The following PTPRD variants were observed in gnomAD, a reference collection of about 807,000 sequenced individuals.
PTPRD encodes the protein protein tyrosine phosphatase receptor type D, also known as receptor-type tyrosine-protein phosphatase delta.
Under a neutral mutation model 214.5 loss-of-function variants are expected in PTPRD, and 34 were observed. The ratio of observed to expected loss-of-function variants is 0.16; its 90% CI spans 0.12 to 0.21. The LOEUF is 0.21. Among genes scored for constraint, PTPRD ranks in the 10% least tolerant of loss-of-function variants. The probability of loss-of-function intolerance (pLI) is 1.00; values close to 1 mark genes in which losing one functional copy is unlikely to be tolerated. For synonymous variants in PTPRD, 1,128 were observed against 845.7 expected (o/e 1.33, Z -5.79); for missense variants, 2,545 against 2,398.7 (o/e 1.06, Z -1.27).
intron 11 of PTPRD, among the ~76,000 whole-genome samples, chr9:8,800,577 T>C (rs1415099922): frequency 1.3e-5 from 2 of 152,166 alleles, no homozygotes; most frequent in African/African-American, 2.4e-5. Flanking sequence ...GCCATGGCAA[T>C]GTCAGGAAGT....
intron 2 of PTPRD, among the ~76,000 whole-genome samples, chr9:10,602,989 A>C (rs2078362914): frequency 6.6e-6 from 1 of 151,804 alleles, no homozygotes; most frequent in South Asian, 2.1e-4. Context: ...AACTAACTCA[A>C]AACTCTTGGT....
chr9:10,043,008 C>G (rs538008652), intron 3 of PTPRD, among the ~76,000 whole-genome samples: 16 of 152,028 alleles, frequency 1.1e-4, no homozygotes, highest in Admixed American at 1.3e-4. Flanking sequence ...GAGTTCTAAT[C>G]TGAGTTCTAA....
At chr9:9,895,987 C>G (rs1414712431) in intron 5 of PTPRD, among the ~76,000 whole-genome samples, 2 of 151,976 alleles carry the variant, frequency 1.3e-5, no homozygotes, top group Non-Finnish European at 2.9e-5. Context: ...TGATGGGTAG[C>G]TAAAGGGTCC....
intron 44 of PTPRD, among the ~76,000 whole-genome samples, chr9:8,329,368 C>T (rs1837314952): frequency 6.6e-6 from 1 of 152,108 alleles, no homozygotes; most frequent in Non-Finnish European, 1.5e-5. Context: ...AAGATTGCTG[C>T]CTATTCCTTC....
At chr9:8,382,430 C>G (rs374772984) in intron 37 of PTPRD, among the ~76,000 whole-genome samples, 36 of 152,302 alleles carry the variant, frequency 2.4e-4, no homozygotes, top group African/African-American at 7.2e-4. Flanking sequence ...ATCTCCTCCT[C>G]CCATTCCAGC....
At chr9:9,741,477 A>G (rs1017734963) in intron 6 of PTPRD, among the ~76,000 whole-genome samples, 1 of 142,016 alleles carries the variant, frequency 7.0e-6, no homozygotes, top group African/African-American at 2.8e-5. Flanking sequence ...GATTATACTT[A>G]TAAGTTCTGG....
At chr9:9,984,389 G>A (rs2095639515) in intron 4 of PTPRD, among the ~76,000 whole-genome samples, 1 of 152,166 alleles carries the variant, frequency 6.6e-6, no homozygotes. Context: ...TCAAGGCTGG[G>A]GTTCAGACCT....
At chr9:10,244,847 C>A (rs1372025689) in intron 3 of PTPRD, among the ~76,000 whole-genome samples, 1 of 152,084 alleles carries the variant, frequency 6.6e-6, no homozygotes, top group African/African-American at 2.4e-5. Flanking sequence ...TTTCTAGCTG[C>A]TTCTATATTG....
chr9:9,166,698 A>G (rs113114758), intron 10 of PTPRD, among the ~76,000 whole-genome samples: 32 of 152,296 alleles, frequency 2.1e-4, no homozygotes, highest in African/African-American at 7.0e-4. Context: ...AAGGACACAG[A>G]TTATGATCCC....
chr9:9,473,969 A>G (rs2094824940), intron 8 of PTPRD, among the ~76,000 whole-genome samples: 1 of 152,034 alleles, frequency 6.6e-6, no homozygotes, highest in Admixed American at 6.5e-5. Flanking sequence ...TTTGTTTGAT[A>G]TAGTCCATTT....
intron 7 of PTPRD, among the ~76,000 whole-genome samples, chr9:9,589,293 A>G (rs1421153720): frequency 6.6e-6 from 1 of 151,938 alleles, no homozygotes; most frequent in African/African-American, 2.4e-5. Context: ...TTTCCTACAT[A>G]GAAAATTTAG....
intron 5 of PTPRD, among the ~76,000 whole-genome samples, chr9:9,867,199 C>T (rs2064192733): frequency 1.3e-5 from 2 of 152,198 alleles, no homozygotes; most frequent in South Asian, 4.1e-4. Flanking sequence ...ACCCAAGTCT[C>T]CTGATAAGTT....
At chr9:10,495,326 A>C (rs1306762643) in intron 2 of PTPRD, among the ~76,000 whole-genome samples, 1 of 151,888 alleles carries the variant, frequency 6.6e-6, no homozygotes, top group African/African-American at 2.4e-5. Flanking sequence ...ACATAAGGAA[A>C]GACTGGAGCT....
chr9:8,811,917 T>C (rs936523392), intron 11 of PTPRD, among the ~76,000 whole-genome samples: 2 of 152,276 alleles, frequency 1.3e-5, no homozygotes, highest in African/African-American at 2.4e-5. Context: ...GGGTGGGGAC[T>C]TGAGGCTTGT....
intron 14 of PTPRD, among the ~76,000 whole-genome samples, chr9:8,546,286 G>T (rs901109516): frequency 9.9e-5 from 15 of 152,172 alleles, no homozygotes; most frequent in African/African-American, 3.6e-4. Context: ...ATCTGCTGGA[G>T]AACAGATTAA....
intron 5 of PTPRD, among the ~76,000 whole-genome samples, chr9:9,926,068 G>T (rs532252768): frequency 3.9e-5 from 6 of 151,986 alleles, no homozygotes; most frequent in Non-Finnish European, 7.4e-5. Context: ...AGGCTCAAGC[G>T]ATCCTCCTGC....
intron 10 of PTPRD, among the ~76,000 whole-genome samples, chr9:9,136,062 C>T (rs1309108571): frequency 6.6e-6 from 1 of 152,106 alleles, no homozygotes; most frequent in Non-Finnish European, 1.5e-5. Context: ...CAACATATTT[C>T]TTTTGCTAAT....
chr9:10,553,845 CA>C, intron 2 of PTPRD, among the ~76,000 whole-genome samples: 1 of 152,242 alleles, frequency 6.6e-6, no homozygotes, highest in South Asian at 2.1e-4. Context: ...TGTTTTTACT[CA>C]CTTGTACAGC....
At chr9:10,216,156 A>G (rs1313514209) in intron 3 of PTPRD, among the ~76,000 whole-genome samples, 1 of 151,636 alleles carries the variant, frequency 6.6e-6, no homozygotes, top group African/African-American at 2.4e-5. Context: ...TTCTAAGTTG[A>G]TTTGAATTAT....
Sources: allele counts gnomAD v4.1 joint callset (sites outside exome capture counted in the v4.1 genomes callset), GRCh38; gene constraint gnomAD v4.1.1; transcripts MANE v1.5; gene names NCBI Gene and HGNC (gene_info 2026-07-23, HGNC 2026-07-21).